CTNND2: variants seen among roughly 807,000 people sequenced by gnomAD.
CTNND2 encodes the protein catenin delta 2.
Under a neutral mutation model 144.4 loss-of-function variants are expected in CTNND2, and 22 were observed. The ratio of observed to expected loss-of-function variants is 0.15; its 90% CI spans 0.11 to 0.22. The LOEUF (loss-of-function observed/expected upper bound fraction) is 0.22, where lower values mean the gene tolerates loss of function less well. CTNND2 is among the 10% of genes least tolerant of loss of function. CTNND2 has a pLI of 1.00. For synonymous variants in CTNND2, 751 were observed against 695.6 expected (o/e 1.08, Z -1.25); for missense variants, 1,353 against 1,618.8 (o/e 0.84, Z 2.82).
Position 11,376,057 on chromosome 5 carries a change from G to A in CTNND2, c.1177+8608C>T, listed in dbSNP as rs1181543652. Among the ~76,000 whole-genome samples the A allele has an allele frequency of 2.6e-5, 4 of 152,200 alleles. No individual in the cohort carries two copies. The East Asian group carries it at 7.7e-4, about 29-fold the overall frequency. On this transcript the variant is annotated intron_variant, in intron 7 of 21. Transcript: ENST00000304623. ...CCTTACACCCGAGAGAGCAAGGTGA[G>A]GACACAGCAAGAAGGGGCCATCGAT...
chr5:11,554,345 C>T lies in CTNND2; in HGVS notation c.287+10599G>A, dbSNP rs146926150. ...TTCGCATCCCTAGGGTGAAAACAGA[C>T]GAGAGACATTTAGGTGACTATTTAC... On this transcript the variant is annotated intron_variant, in intron 3 of 21. Transcript: ENST00000304623. Among the ~76,000 whole-genome samples, 7 of 152,166 alleles carry T rather than the reference C, an allele frequency of 4.6e-5. No individual in the cohort carries two copies. In the East Asian group the frequency reaches 7.7e-4, roughly 17 times the overall value.
At position 11,899,563 on chromosome 5, in the gene CTNND2, T is replaced by A. The variant is rs1737691852; in HGVS notation, c.37+4254A>T. Among the ~76,000 whole-genome samples, 3 of 152,132 alleles carry A rather than the reference T, an allele frequency of 2.0e-5. No homozygotes were observed. The South Asian group carries it at 6.2e-4, about 32-fold the overall frequency. On this transcript the variant is annotated intron_variant, in intron 1 of 21. Transcript: ENST00000304623. ...ACAATAGGGGTTGGGGTAGGGAAATTACAGCCATTTAATATCCTTTGTTAG... is the reference window on the plus strand; with the variant it reads ...ACAATAGGGGTTGGGGTAGGGAAATAACAGCCATTTAATATCCTTTGTTAG...
At chr5:11,481,736 G>A (rs921014522) in intron 3 of CTNND2, among the ~76,000 whole-genome samples, 1 of 152,108 alleles carries the variant, frequency 6.6e-6, no homozygotes, top group African/African-American at 2.4e-5. Flanking sequence ...ACAAAGGAAG[G>A]TTGAGTATTA....
chr5:11,095,695 T>A (rs900381194), intron 15 of CTNND2, among the ~76,000 whole-genome samples: 2 of 152,260 alleles, frequency 1.3e-5, no homozygotes, highest in East Asian at 3.8e-4. Context: ...TATGAATGAA[T>A]GATTAGTGCC....
In CTNND2 at chr5:11,313,661, C is replaced by T. The variant is rs141362390; in HGVS notation, c.1628+32711G>A. 6.3e-3 allele frequency among the ~76,000 whole-genome samples: 965 copies of T among 152,216 alleles called. 6 individuals carry two copies. Among genetic ancestry groups the T allele is most frequent in the African/African-American group, 0.022 (925 of 41,514 alleles). On this transcript the variant is annotated intron_variant, in intron 9 of 21. Transcript: ENST00000304623. ...GTGGAGAATTAGGGGCCTGGAGAAT[C>T]CTGTGGTTTGCAGCTGAAATAGCTG...
At chr5:11,351,180 T>C (rs62339765) in intron 8 of CTNND2, among the ~76,000 whole-genome samples, 8 of 152,302 alleles carry the variant, frequency 5.3e-5, no homozygotes, top group South Asian at 2.1e-4. Context: ...CTTTTCCTTA[T>C]TTGCGTTTTA....
At chr5:11,322,257 C>T (rs1009657826) in intron 9 of CTNND2, among the ~76,000 whole-genome samples, 12 of 152,160 alleles carry the variant, frequency 7.9e-5, no homozygotes, top group African/African-American at 2.9e-4. Context: ...CCAGCATTTT[C>T]ACTTCATGTG....
chr5:11,793,332 T>A (rs1791236598), intron 1 of CTNND2, among the ~76,000 whole-genome samples: 1 of 152,214 alleles, frequency 6.6e-6, no homozygotes, highest in South Asian at 2.1e-4. Flanking sequence ...TCATCCTTGA[T>A]GCCTTTCATA....
At chr5:11,802,766 A>G (rs919171856) in intron 1 of CTNND2, among the ~76,000 whole-genome samples, 6 of 152,306 alleles carry the variant, frequency 3.9e-5, no homozygotes, top group Middle Eastern at 6.8e-3. Flanking sequence ...TCTTCTTTTT[A>G]TGATAAATAG....
At chr5:11,359,929 G>C (rs1167142705) in intron 8 of CTNND2, among the ~76,000 whole-genome samples, 1 of 152,146 alleles carries the variant, frequency 6.6e-6, no homozygotes, top group Non-Finnish European at 1.5e-5. Flanking sequence ...CAAGCCTGGA[G>C]TAGAGGAGAG....
chr5:10,973,010 C>G lies in CTNND2; in HGVS notation c.*443G>C, dbSNP rs1735994749. 6.4e-6 allele frequency: 1 copy of G among 155,796 alleles called. No individual in the cohort carries two copies. The highest frequency in any genetic ancestry group is 1.4e-5 in the Non-Finnish European group (1 of 70,354). 9.7% of individuals were successfully genotyped at this position (155,796 alleles called of 1,614,324 possible). A position where few individuals can be genotyped will look rare whatever the true frequency, so the allele number is the denominator to read the frequency against. On this transcript the variant is annotated 3_prime_UTR_variant, in exon 22 of 22. Transcript: ENST00000304623. This position sits in a 1 kb window ranked among gnomAD's most constrained non-coding sequence, Gnocchi z 5.6. ...AAACATCTTGCTGTACAGAGGAACC[C>G]CAATGCAACCTGAAGCCTAGAGTCA...
chr5:11,070,504 A>G (rs1312609252), intron 16 of CTNND2, among the ~76,000 whole-genome samples: 2 of 152,204 alleles, frequency 1.3e-5, no homozygotes, highest in Admixed American at 6.5e-5. Flanking sequence ...AGTGTAATAT[A>G]CATGTAATTG....
intron 3 of CTNND2, among the ~76,000 whole-genome samples, chr5:11,434,055 A>T (rs1451968539): frequency 1.3e-5 from 2 of 152,258 alleles, no homozygotes; most frequent in East Asian, 3.8e-4. Flanking sequence ...TAATTGTCCC[A>T]AATTGGAATG....
chr5:11,787,108 G>A (rs559895453), intron 1 of CTNND2, among the ~76,000 whole-genome samples: 1 of 152,326 alleles, frequency 6.6e-6, no homozygotes, highest in East Asian at 1.9e-4. Context: ...CTATGCGATA[G>A]TGGACAAGTT....
intron 2 of CTNND2, chr5:11,588,743 T>TAAC: frequency 1.0e-6 from 1 of 984,978 alleles, no homozygotes; most frequent in Non-Finnish European, 1.2e-6. Flanking sequence ...ACCTTTACTG[T>TAAC]ACCTTTTGAA....
Position 11,022,778 on chromosome 5 carries a change from T to C in CTNND2, c.2990A>G (p.Lys997Arg). Residue 997 changes from lysine (K) to arginine (R), a missense_variant, in exon 17 of 22, where the codon AAA becomes AGA. Physicochemically the swap from Lys to Arg is conservative, Grantham distance 26. Coordinates refer to ENST00000304623, the MANE Select transcript of CTNND2 (RefSeq NM_001332.4). Reference sequence around the variant, plus strand: ...TCACCAGGTAACTTACTTATCTCCTTTGCTTTTGGAGATGCCGACCAACTT... The same window carrying C: ...TCACCAGGTAACTTACTTATCTCCTCTGCTTTTGGAGATGCCGACCAACTT... ...IEKLVGISKS[K>R]GDKHSPKVVK... 1 of 1,613,814 alleles carries C rather than the reference T, an allele frequency of 6.2e-7. No homozygotes were observed. The highest frequency in any genetic ancestry group is 1.1e-5 in the South Asian group (1 of 91,072).
chr5:11,087,863 G>A (rs1750343769), intron 15 of CTNND2, among the ~76,000 whole-genome samples: 1 of 152,110 alleles, frequency 6.6e-6, no homozygotes, highest in Non-Finnish European at 1.5e-5. Flanking sequence ...TAATGTACAG[G>A]CAAGATAATT....
intron 1 of CTNND2, among the ~76,000 whole-genome samples, chr5:11,798,082 AC>A (rs980956269): frequency 4.6e-5 from 7 of 151,304 alleles, no homozygotes; most frequent in African/African-American, 1.7e-4. Context: ...ACATGATGAA[AC>A]CCCGTCTCTA....
intron 3 of CTNND2, among the ~76,000 whole-genome samples, chr5:11,492,106 C>A (rs994902958): frequency 6.6e-6 from 1 of 152,194 alleles, no homozygotes; most frequent in Non-Finnish European, 1.5e-5. Context: ...ACACAGAATA[C>A]TACCATGCAC....
Sources: gnomAD v4.1 joint callset for allele counts (sites outside exome capture counted in the v4.1 genomes callset) on GRCh38, gnomAD v4.1.1 for gene constraint, Gnocchi (gnomAD v3.1) non-coding constraint, MANE v1.5 for transcripts, NCBI Gene and HGNC (gene_info 2026-07-23, HGNC 2026-07-21) for gene names.